NUDCD3: variants seen among roughly 807,000 people sequenced by gnomAD.
NUDCD3 encodes the protein nudC domain-containing protein 3.
Under a neutral mutation model 39.7 loss-of-function variants are expected in NUDCD3, and 13 were observed. The observed-to-expected ratio is 0.33, with a 90% confidence interval of 0.21 to 0.52. The LOEUF (loss-of-function observed/expected upper bound fraction) is 0.52. NUDCD3 is among the 20% of genes least tolerant of loss of function. The pLI is 0.96. For missense variants in NUDCD3, 453 were observed against 458.1 expected, an observed-to-expected ratio of 0.99 and a Z score of 0.10; for synonymous variants, 175 against 172.4, an observed-to-expected ratio of 1.02 and a Z score of -0.12.
intron 2 of NUDCD3, among the ~76,000 whole-genome samples, chr7:44,470,110 T>C (rs576655061): frequency 6.6e-6 from 1 of 152,356 alleles, no homozygotes; most frequent in South Asian, 2.1e-4. Flanking sequence ...GTGAGAATTC[T>C]TCGCATGACT....
At chr7:44,406,662 T>C (rs1798826193) in intron 3 of NUDCD3, among the ~76,000 whole-genome samples, 1 of 152,082 alleles carries the variant, frequency 6.6e-6, no homozygotes, top group African/African-American at 2.4e-5. Context: ...AGACAAGAAA[T>C]GCTTCCAGAG....
In NUDCD3 at chr7:44,380,322, T is replaced by C. The variant is rs1193207292; in HGVS notation, c.*5689A>G. On this transcript the variant is annotated 3_prime_UTR_variant, in exon 6 of 6. Coordinates refer to ENST00000355451, the MANE Select transcript of NUDCD3 (RefSeq NM_015332.4). Reference sequence around the variant, plus strand: ...AAGCCTTTCTGCCTGGACAGCCTCATTGAGACAGCCCTAGACTAACAGTCA... The same window carrying C: ...AAGCCTTTCTGCCTGGACAGCCTCACTGAGACAGCCCTAGACTAACAGTCA... 6.6e-6 allele frequency: 1 copy of C among 152,348 alleles called. No homozygotes were observed. The highest frequency in any genetic ancestry group is 1.9e-4 in the East Asian group (1 of 5,198). The allele number at this position is 152,348 out of a possible 1,614,324, so 9.4% of individuals were successfully genotyped here.
chr7:44,387,391 T>C (rs1798418991), intron 5 of NUDCD3, among the ~76,000 whole-genome samples: 1 of 152,158 alleles, frequency 6.6e-6, no homozygotes, highest in African/African-American at 2.4e-5. Context: ...TACTATATAC[T>C]AGGGATTAAT....
intron 2 of NUDCD3, among the ~76,000 whole-genome samples, chr7:44,454,271 G>A (rs530960588): frequency 1.0e-3 from 156 of 152,206 alleles, no homozygotes; most frequent in Non-Finnish European, 2.0e-3. Context: ...CCCGTGAGGC[G>A]GAGCTTGCAG....
chr7:44,471,738 C>T (rs886299740), intron 2 of NUDCD3: 1 of 152,236 alleles, frequency 6.6e-6, no homozygotes, highest in African/African-American at 2.4e-5. Flanking sequence ...TTAGATATAC[C>T]TCTTAGAAGC....
chr7:44,476,556 C>T (rs1800373772), intron 2 of NUDCD3, among the ~76,000 whole-genome samples: 1 of 152,136 alleles, frequency 6.6e-6, no homozygotes, highest in African/African-American at 2.4e-5. Context: ...CTGCTGGCAC[C>T]TTGATCTTGG....
At chr7:44,443,925 CTG>C (rs1799642005) in intron 2 of NUDCD3, among the ~76,000 whole-genome samples, 1 of 152,140 alleles carries the variant, frequency 6.6e-6, no homozygotes, top group Admixed American at 6.5e-5. Context: ...TCTGAAATGC[CTG>C]TGTTTGCAAG....
At chr7:44,460,627 G>A (rs567061696) in intron 2 of NUDCD3, among the ~76,000 whole-genome samples, 2 of 152,102 alleles carry the variant, frequency 1.3e-5, no homozygotes, top group East Asian at 3.9e-4. Context: ...TAAGCCACCT[G>A]AGGTTCTAAA....
intron 3 of NUDCD3, among the ~76,000 whole-genome samples, chr7:44,410,793 C>T (rs967771999): frequency 6.6e-6 from 1 of 151,842 alleles, no homozygotes; most frequent in African/African-American, 2.4e-5. Context: ...AGGGGGTAAC[C>T]ATATTTCTAC....
chr7:44,402,364 G>A (rs1400250480), intron 4 of NUDCD3, among the ~76,000 whole-genome samples: 1 of 152,194 alleles, frequency 6.6e-6, no homozygotes, highest in Non-Finnish European at 1.5e-5. Context: ...ATACATACAA[G>A]TGTACAAAAC....
rs374327668 is a variant in NUDCD3 at position 44,458,149 on chromosome 7, C to A, written c.509+26819G>T. On this transcript the variant is annotated intron_variant, in intron 2 of 5. Transcript: ENST00000355451. ...TTCTGTCAGTAAAAGGAATGAAGTA[C>A]TGATAAATGCTACAACATGGATGAA... is the stretch of plus-strand genomic sequence containing the variant. 9.2e-4 allele frequency among the ~76,000 whole-genome samples: 140 copies of A among 152,258 alleles called. 2 individuals are homozygous for A. The South Asian group carries it at 0.028, about 31-fold the overall frequency.
intron 2 of NUDCD3, chr7:44,468,349 C>CAAAAAAAAAAAAAAAAAAACAAA: frequency 2.7e-6 from 1 of 375,658 alleles, no homozygotes; most frequent in South Asian, 3.9e-5. Flanking sequence ...GTAAAAACTG[C>CAAAAAAAAAAAAAAAAAAACAAA]AAAAAAAAAA....
chr7:44,454,332 C>T (rs939809674), intron 2 of NUDCD3, among the ~76,000 whole-genome samples: 19 of 151,692 alleles, frequency 1.3e-4, no homozygotes, highest in Admixed American at 3.9e-4. Context: ...GAGTGAGACT[C>T]TGTCTCAAAA....
At chr7:44,397,841 T>C (rs569180919) in intron 4 of NUDCD3, among the ~76,000 whole-genome samples, 1 of 152,166 alleles carries the variant, frequency 6.6e-6, no homozygotes, top group African/African-American at 2.4e-5. Flanking sequence ...TAACTTATGA[T>C]GATTTACGGA....
At chr7:44,463,002 T>C (rs1426233289) in intron 2 of NUDCD3, among the ~76,000 whole-genome samples, 1 of 150,080 alleles carries the variant, frequency 6.7e-6, no homozygotes, top group Non-Finnish European at 1.5e-5. Flanking sequence ...TACACAAAGA[T>C]ACAAAAGATT....
chr7:44,408,365 T>C (rs1030318848), intron 3 of NUDCD3, among the ~76,000 whole-genome samples: 1 of 152,148 alleles, frequency 6.6e-6, no homozygotes, highest in Non-Finnish European at 1.5e-5. Context: ...AGTGTAGCTA[T>C]ACAGCAGAAC....
At chr7:44,450,684 A>G (rs1799778803) in intron 2 of NUDCD3, among the ~76,000 whole-genome samples, 1 of 152,148 alleles carries the variant, frequency 6.6e-6, no homozygotes, top group South Asian at 2.1e-4. Flanking sequence ...ATGAAGATCA[A>G]CTGGAACTGA....
chr7:44,490,270 T>C, intron 1 of NUDCD3, 139 bp downstream of exon 1: 1 of 802,650 alleles, frequency 1.2e-6, no homozygotes, highest in South Asian at 1.9e-5. Flanking sequence ...TTCAAATTAC[T>C]GAAGCCATTC....
At chr7:44,416,981 G>C (rs1410400753) in intron 3 of NUDCD3, among the ~76,000 whole-genome samples, 2 of 152,174 alleles carry the variant, frequency 1.3e-5, no homozygotes, top group African/African-American at 2.4e-5. Context: ...CCACACGAGT[G>C]CTGGTTAAAT....
Sources: gnomAD v4.1 joint callset for allele counts (sites outside exome capture counted in the v4.1 genomes callset) on GRCh38, gnomAD v4.1.1 for gene constraint, MANE v1.5 for transcripts, NCBI Gene and HGNC (gene_info 2026-07-23, HGNC 2026-07-21) for gene names.